RANBP17: variants seen among roughly 807,000 people sequenced by gnomAD.
RANBP17 encodes RAN binding protein 17.
In RANBP17, 158 loss-of-function variants were observed where a neutral mutation model predicts 141.2. The observed-to-expected ratio is 1.12, with a 90% CI of 0.98 to 1.28. RANBP17 has a LOEUF of 1.28. Among genes scored for constraint, RANBP17 ranks in the 50% most tolerant of loss-of-function variants. RANBP17 has a pLI of 0.00. For synonymous variants in RANBP17, 430 were observed against 450.0 expected, an observed-to-expected ratio of 0.96 and a Z score of 0.56; for missense variants, 1,438 against 1,290.7, an observed-to-expected ratio of 1.11 and a Z score of -1.75.
At chr5:170,959,901 G>T (rs892737706) in intron 13 of RANBP17, among the ~76,000 whole-genome samples, 2 of 152,144 alleles carry the variant, frequency 1.3e-5, no homozygotes, top group Admixed American at 1.3e-4. Context: ...TGGCAGAGGC[G>T]CAAGAAAATT....
At chr5:171,272,255 C>T (rs962946672) in intron 25 of RANBP17, among the ~76,000 whole-genome samples, 3 of 152,128 alleles carry the variant, frequency 2.0e-5, no homozygotes, top group African/African-American at 7.2e-5. Context: ...TGCTTATTAC[C>T]TGCGTGACAA....
chr5:170,978,977 G>A (rs1374223235), intron 14 of RANBP17, among the ~76,000 whole-genome samples: 3 of 152,116 alleles, frequency 2.0e-5, no homozygotes, highest in Admixed American at 6.5e-5. Flanking sequence ...ATGTATAACA[G>A]TGAAAATGAA....
chr5:170,951,688 T>G (rs576234815), intron 12 of RANBP17, among the ~76,000 whole-genome samples: 95 of 152,248 alleles, frequency 6.2e-4, no homozygotes, highest in South Asian at 1.9e-3. Flanking sequence ...TAAAAAACAT[T>G]GAATTATATC....
intron 14 of RANBP17, among the ~76,000 whole-genome samples, chr5:171,165,929 G>T (rs146819317): frequency 6.6e-6 from 1 of 152,160 alleles, no homozygotes; most frequent in African/African-American, 2.4e-5. Context: ...TCCCAGATGG[G>T]TAGGATTTGG....
intron 14 of RANBP17, among the ~76,000 whole-genome samples, chr5:170,991,269 G>C (rs1161114500): frequency 1.3e-5 from 2 of 151,904 alleles, no homozygotes; most frequent in Non-Finnish European, 2.9e-5. Flanking sequence ...ATATTTTTCA[G>C]ATTGTACCAA....
chr5:170,949,841 G>A (rs1466686552), intron 12 of RANBP17, among the ~76,000 whole-genome samples: 1 of 152,124 alleles, frequency 6.6e-6, no homozygotes, highest in Non-Finnish European at 1.5e-5. Context: ...AACTGAATGG[G>A]TAAATGAAAT....
intron 14 of RANBP17, among the ~76,000 whole-genome samples, chr5:171,089,458 AG>A: frequency 6.6e-6 from 1 of 151,474 alleles, no homozygotes; most frequent in African/African-American, 2.4e-5. Flanking sequence ...AGAGGCAGGC[AG>A]GCCTCCTTGA....
intron 14 of RANBP17, among the ~76,000 whole-genome samples, chr5:170,973,926 T>A (rs1777174906): frequency 6.6e-6 from 1 of 152,170 alleles, no homozygotes; most frequent in African/African-American, 2.4e-5. Context: ...ATGACCTAAT[T>A]GTCTCCAAAG....
chr5:171,063,201 G>T (rs1057037448), intron 14 of RANBP17, among the ~76,000 whole-genome samples: 3 of 152,212 alleles, frequency 2.0e-5, no homozygotes, highest in African/African-American at 7.2e-5. Context: ...TGTTGCTGGT[G>T]AGGAACTGCT....
chr5:170,896,002 C>A, intron 4 of RANBP17, 48 bp from the exon 5 acceptor site: 1 of 1,161,794 alleles, frequency 8.6e-7, no homozygotes, highest in Non-Finnish European at 1.2e-6. Flanking sequence ...ACATTAAGAA[C>A]CAATCACTTG....
At chr5:170,906,747 C>T (rs569256838) in intron 5 of RANBP17, among the ~76,000 whole-genome samples, 1 of 151,726 alleles carries the variant, frequency 6.6e-6, no homozygotes, top group Admixed American at 6.6e-5. Flanking sequence ...TCAGATTTTC[C>T]AAGATTTGAC....
At chr5:171,293,833 G>A (rs759827148) in intron 25 of RANBP17, 50 bp from the exon 26 acceptor site, 2 of 1,364,732 alleles carry the variant, frequency 1.5e-6, no homozygotes, top group Admixed American at 3.4e-5. Flanking sequence ...TGGGATTAGG[G>A]GGAACTCTGA....
At chr5:171,102,445 G>A (rs934097964) in intron 14 of RANBP17, among the ~76,000 whole-genome samples, 1 of 151,494 alleles carries the variant, frequency 6.6e-6, no homozygotes, top group Non-Finnish European at 1.5e-5. Flanking sequence ...AGCTCCATCA[G>A]GTCATTTATG....
At chr5:171,289,527 CAAG>C (rs1768358137) in intron 25 of RANBP17, among the ~76,000 whole-genome samples, 1 of 151,840 alleles carries the variant, frequency 6.6e-6, no homozygotes, top group Admixed American at 6.6e-5. Context: ...TGCTTGAGGC[CAAG>C]AATTGGAGAC....
At chr5:171,090,193 T>C (rs1233206669) in intron 14 of RANBP17, among the ~76,000 whole-genome samples, 14 of 152,132 alleles carry the variant, frequency 9.2e-5, no homozygotes, top group Admixed American at 9.2e-4. Flanking sequence ...TTGACCAAAA[T>C]GCTGATAATG....
intron 3 of RANBP17, among the ~76,000 whole-genome samples, chr5:170,888,908 TCAC>T (rs1769376424): frequency 6.6e-6 from 1 of 152,082 alleles, no homozygotes; most frequent in Admixed American, 6.6e-5. Context: ...ATCTCATTCA[TCAC>T]CATTCAACAT....
intron 5 of RANBP17, chr5:170,903,413 G>T (rs114913052): frequency 6.4e-4 from 98 of 153,136 alleles, no homozygotes; most frequent in Non-Finnish European, 1.3e-3. Flanking sequence ...ATCTTAGCTT[G>T]CTGGGCTACG....
intron 14 of RANBP17, among the ~76,000 whole-genome samples, chr5:170,980,592 C>G (rs143563023): frequency 6.6e-6 from 1 of 152,206 alleles, no homozygotes; most frequent in East Asian, 1.9e-4. Context: ...AGGGTGCAAG[C>G]CCCAAGCCTT....
rs1437482589 is a variant in RANBP17 at position 171,277,637 on chromosome 5, G to GTGTATATATATATATATATATATATA, written c.2943+11791_2943+11792insGTATATATATATATATATATATATAT. Among the ~76,000 whole-genome samples, 421 of 56,864 alleles carry GTGTATATATATATATATATATATATA rather than the reference G, an allele frequency of 7.4e-3. 98 individuals carry two copies. The highest frequency in any genetic ancestry group is 0.024 in the East Asian group (27 of 1,136). 37.3% of individuals were successfully genotyped at this position (56,864 alleles called of 152,430 possible). On this transcript the variant is annotated intron_variant, in intron 25 of 27. Transcript: ENST00000523189. Reference sequence around the variant, plus strand: ...GTGCCTTACGTATACATATATGTATGTATATATATATATATATATATATAT... The same window carrying GTGTATATATATATATATATATATATA: ...GTGCCTTACGTATACATATATGTATGTGTATATATATATATATATATATATATATATATATATATATATATATATAT...
Sources: allele counts gnomAD v4.1 joint callset (sites outside exome capture counted in the v4.1 genomes callset), GRCh38; gene constraint gnomAD v4.1.1; transcripts MANE v1.5; gene names NCBI Gene and HGNC (gene_info 2026-07-23, HGNC 2026-07-21).